The following ACSM2B variants were observed in gnomAD, a reference collection of about 807,000 sequenced individuals.
The protein encoded by ACSM2B is acyl-coenzyme A synthetase ACSM2B, mitochondrial.
Under a neutral mutation model 78.6 loss-of-function variants are expected in ACSM2B, and 58 were observed. That is an observed-to-expected ratio of 0.74 (90% CI 0.60 to 0.92). The LOEUF (loss-of-function observed/expected upper bound fraction) is 0.92. Among genes scored for constraint, ACSM2B ranks in the 40% least tolerant of loss-of-function variants. ACSM2B has a pLI of 0.00. For missense variants in ACSM2B, 688 were observed against 711.2 expected, an observed-to-expected ratio of 0.97 and a Z score of 0.37; for synonymous variants, 257 against 256.8, an observed-to-expected ratio of 1.00 and a Z score of -0.01.
At chr16:20,555,179 T>G in intron 4 of ACSM2B, 90 bp downstream of exon 4, 1 of 1,589,626 alleles carries the variant, frequency 6.3e-7, no homozygotes, top group Non-Finnish European at 8.6e-7. Context: ...CTGTTCTTCC[T>G]GCAACTCCTC....
intron 1 of ACSM2B, among the ~76,000 whole-genome samples, chr16:20,567,621 A>G (rs1435932854): frequency 4.4e-5 from 6 of 136,652 alleles, no homozygotes; most frequent in African/African-American, 1.6e-4. Context: ...AATATATAGT[A>G]TATTATATCT....
At chr16:20,566,866 A>G (rs2015910081) in intron 1 of ACSM2B, among the ~76,000 whole-genome samples, 1 of 123,822 alleles carries the variant, frequency 8.1e-6, no homozygotes, top group Non-Finnish European at 1.6e-5. Context: ...TATATACTAT[A>G]GTATATCTCT....
At chr16:20,563,031 GC>G (rs2015712545) in intron 2 of ACSM2B, among the ~76,000 whole-genome samples, 1 of 151,988 alleles carries the variant, frequency 6.6e-6, no homozygotes, top group Admixed American at 6.6e-5. Flanking sequence ...CCATTCCTTA[GC>G]CCCCTGCCCT....
At chr16:20,567,196 CTATTA>C (rs1187326786) in intron 1 of ACSM2B, among the ~76,000 whole-genome samples, 2 of 126,610 alleles carry the variant, frequency 1.6e-5, no homozygotes, top group Admixed American at 9.4e-5. Context: ...ACATATTATA[CTATTA>C]TATTATATAT....
chr16:20,551,684 A>G (rs1235632243), intron 6 of ACSM2B, among the ~76,000 whole-genome samples: 1 of 152,146 alleles, frequency 6.6e-6, no homozygotes, highest in Non-Finnish European at 1.5e-5. Context: ...AACTGTACAC[A>G]TAGGATGGTG....
At chr16:20,555,221 T>A (rs1391556315) in intron 4 of ACSM2B, 48 bp downstream of exon 4, 1 of 1,612,556 alleles carries the variant, frequency 6.2e-7, no homozygotes, top group African/African-American at 1.3e-5. Flanking sequence ...TGCTTGGCTC[T>A]GTTTCCAGTT....
Position 20,548,060 on chromosome 16 carries a change from A to C in ACSM2B, c.1098+2T>G. On this transcript the variant is annotated splice_donor_variant, in intron 8 of 13. Coordinates refer to ENST00000329697, the MANE Select transcript of ACSM2B (RefSeq NM_001105069.2). LOFTEE classifies it high-confidence loss of function. ...GCCCATGGTTCCCCTGGGAACAGGT[A>C]CCGTTTCTGTCTGGCCATAGAATTC... 4.3e-6 allele frequency: 7 copies of C among 1,613,982 alleles called. No individual in the cohort carries two copies. The highest frequency in any genetic ancestry group is 5.9e-6 in the Non-Finnish European group (7 of 1,179,868).
At chr16:20,568,731 AT>A (rs895055909) in intron 1 of ACSM2B, among the ~76,000 whole-genome samples, 1 of 151,198 alleles carries the variant, frequency 6.6e-6, no homozygotes, top group Admixed American at 6.6e-5. Flanking sequence ...AACATCTATA[AT>A]TTTTTTTGTT....
intron 1 of ACSM2B, among the ~76,000 whole-genome samples, chr16:20,568,659 C>CT (rs1338814801): frequency 6.6e-6 from 1 of 151,636 alleles, no homozygotes; most frequent in Non-Finnish European, 1.5e-5. Context: ...TCCACAGTGG[C>CT]TGTACTAGCT....
chr16:20,561,740 T>C (rs1235722763), intron 2 of ACSM2B, among the ~76,000 whole-genome samples: 1 of 151,920 alleles, frequency 6.6e-6, no homozygotes, highest in Non-Finnish European at 1.5e-5. Context: ...ATACTTTAAG[T>C]TTCAGGGTAC....
chr16:20,540,017 G>C (rs1173325220), intron 13 of ACSM2B, among the ~76,000 whole-genome samples: 1 of 152,188 alleles, frequency 6.6e-6, no homozygotes, highest in Non-Finnish European at 1.5e-5. Context: ...TTGCAACTGA[G>C]CGTTGCACAA....
At chr16:20,566,748 T>TGTA in intron 1 of ACSM2B, among the ~76,000 whole-genome samples, 1 of 82,476 alleles carries the variant, frequency 1.2e-5, no homozygotes, top group African/African-American at 6.5e-5. Flanking sequence ...ATACTATATA[T>TGTA]ACTATATATA....
chr16:20,548,973 C>T (rs1342871421), intron 6 of ACSM2B, among the ~76,000 whole-genome samples: 1 of 152,152 alleles, frequency 6.6e-6, no homozygotes, highest in East Asian at 1.9e-4. Context: ...ATAGACATTT[C>T]AAAACAAGTG....
intron 13 of ACSM2B, among the ~76,000 whole-genome samples, chr16:20,538,305 C>T (rs1432843838): frequency 6.6e-6 from 1 of 152,146 alleles, no homozygotes; most frequent in Non-Finnish European, 1.5e-5. Context: ...GGCCCGCAGG[C>T]AAAATACAGC....
rs1567202713 is a variant in ACSM2B, at chr16:20,537,226, AG to A, written c.*31del. ...CAAAGGGAAAAGAAAGAGAAAGAAG[AG>A]GGGAATCCAAATGAATGTCTCCTAG... On this transcript the variant is annotated 3_prime_UTR_variant, in exon 14 of 14. Transcript: ENST00000329697. The A allele has an allele frequency of 1.9e-6, 3 of 1,609,398 alleles. No individual in the cohort carries two copies. The highest frequency in any genetic ancestry group is 2.2e-5 in the South Asian group (2 of 90,960).
Position 20,548,181 on chromosome 16 carries a change from T to G in ACSM2B, c.979A>C (p.Lys327Gln). 2 of 1,613,954 alleles carry G rather than the reference T, an allele frequency of 1.2e-6. No individual in the cohort carries two copies. Among genetic ancestry groups the G allele is most frequent in the East Asian group, 2.2e-5 (1 of 44,880 alleles). Reference sequence around the variant, plus strand: ...AGGCAGTTCTGTAGATGGGGGAACTTGTAACTGAAGAAGAGAAATAAATGT... The same window carrying G: ...AGGCAGTTCTGTAGATGGGGGAACTGGTAACTGAAGAAGAGAAATAAATGT... Reference protein sequence around the residue: ...MLLQQDLSSYKFPHLQNCLAG... With the variant: ...MLLQQDLSSYQFPHLQNCLAG... Residue 327 changes from lysine (K) to glutamine (Q), a missense_variant, in exon 8 of 14, where the codon AAG (lysine) becomes CAG (glutamine). Coordinates refer to ENST00000329697, the MANE Select transcript of ACSM2B (RefSeq NM_001105069.2).
chr16:20,566,831 A>G (rs1369448757), intron 1 of ACSM2B, among the ~76,000 whole-genome samples: 3 of 117,300 alleles, frequency 2.6e-5, no homozygotes, highest in Non-Finnish European at 5.0e-5. Context: ...TATATCTTTT[A>G]TATATATACT....
chr16:20,566,702 A>AG lies in ACSM2B; in HGVS notation c.-8-1850_-8-1849insC, dbSNP rs1567218421. Among the ~76,000 whole-genome samples the AG allele has an allele frequency of 8.9e-4, 39 of 43,700 alleles. 4 individuals are homozygous for AG. Among genetic ancestry groups the AG allele is most frequent in the African/African-American group, 5.7e-3 (39 of 6,886 alleles). 28.7% of individuals were successfully genotyped at this position (43,700 alleles called of 152,430 possible). A position where few individuals can be genotyped will look rare whatever the true frequency, so the allele number is the denominator to read the frequency against. On this transcript the variant is annotated intron_variant, in intron 1 of 13. Coordinates refer to ENST00000329697, the MANE Select transcript of ACSM2B (RefSeq NM_001105069.2). ...ATATAGTATATACTATATATAGTATATATATAGTATATATAGTATATACTA... is the reference window on the plus strand; with the variant it reads ...ATATAGTATATACTATATATAGTATAGTATATAGTATATATAGTATATACTA...
chr16:20,570,621 C>T (rs960120416), intron 1 of ACSM2B, among the ~76,000 whole-genome samples: 5 of 151,716 alleles, frequency 3.3e-5, no homozygotes, highest in African/African-American at 1.2e-4. Flanking sequence ...GGAATAGCGT[C>T]GATAGGATTG....
Sources: gnomAD v4.1 joint callset for allele counts (sites outside exome capture counted in the v4.1 genomes callset) on GRCh38, gnomAD v4.1.1 for gene constraint, MANE v1.5 for transcripts, NCBI Gene and HGNC (gene_info 2026-07-23, HGNC 2026-07-21) for gene names.